Variants in ODAD2 observed in about 807,000 individuals in gnomAD.
ODAD2 encodes outer dynein arm docking complex subunit 2, also known as outer dynein arm-docking complex subunit 2.
In ODAD2, 89 loss-of-function variants were observed where a neutral mutation model predicts 106.8. That is an observed-to-expected ratio of 0.83 (90% CI 0.70 to 0.99). The LOEUF (loss-of-function observed/expected upper bound fraction) is 0.99. ODAD2 is among the 50% of genes least tolerant of loss of function. The pLI is 0.00. For missense variants in ODAD2, 1,168 were observed against 1,238.5 expected, an observed-to-expected ratio of 0.94 and a Z score of 0.85; for synonymous variants, 404 against 436.2, an observed-to-expected ratio of 0.93 and a Z score of 0.92.
intron 8 of ODAD2, among the ~76,000 whole-genome samples, 161 bp from the exon 9 acceptor site, chr10:27,969,179 C>T (rs41283712): frequency 0.061 from 7,350 of 120,316 alleles, 179 homozygotes; most frequent in East Asian, 0.16. Flanking sequence ...GGAGCTGTCT[C>T]TTTCACTCTT....
intron 17 of ODAD2, among the ~76,000 whole-genome samples, chr10:27,871,915 A>G (rs1047998893): frequency 6.6e-6 from 1 of 152,064 alleles, no homozygotes; most frequent in African/African-American, 2.4e-5. Context: ...AGTTTCATGG[A>G]GATGGTATTA....
chr10:27,927,832 GA>G (rs1434712963), intron 16 of ODAD2, among the ~76,000 whole-genome samples: 1 of 151,988 alleles, frequency 6.6e-6, no homozygotes, highest in African/African-American at 2.4e-5. Context: ...TTAAATGATT[GA>G]GTTCAATAAG....
At chr10:27,971,891 C>A (rs1024791045) in intron 7 of ODAD2, among the ~76,000 whole-genome samples, 1 of 152,072 alleles carries the variant, frequency 6.6e-6, no homozygotes, top group Admixed American at 6.6e-5. Flanking sequence ...ACAGAGAATT[C>A]ACTGCCAGAA....
At chr10:27,825,727 G>T (rs879664212) in intron 19 of ODAD2, among the ~76,000 whole-genome samples, 3 of 152,174 alleles carry the variant, frequency 2.0e-5, no homozygotes, top group Non-Finnish European at 2.9e-5. Flanking sequence ...CCTGGATAAG[G>T]TTATCAGAAG....
chr10:27,979,881 T>C (rs772108733), intron 7 of ODAD2, among the ~76,000 whole-genome samples: 3 of 152,078 alleles, frequency 2.0e-5, no homozygotes, highest in Non-Finnish European at 4.4e-5. Context: ...TCATAAACAG[T>C]GTCAAGGAAT....
intron 17 of ODAD2, among the ~76,000 whole-genome samples, chr10:27,888,237 T>C (rs1367893562): frequency 1.3e-5 from 2 of 152,094 alleles, no homozygotes; most frequent in East Asian, 1.9e-4. Flanking sequence ...GAAATCTCCA[T>C]ACAGTTTTCT....
In ODAD2 at chr10:27,862,519, A is replaced by G. The variant is rs1564439642; in HGVS notation, c.2714T>C (p.Ile905Thr). 6.2e-7 allele frequency: 1 copy of G among 1,612,990 alleles called. No homozygotes were observed. Among genetic ancestry groups the G allele is most frequent in the Non-Finnish European group, 8.5e-7 (1 of 1,179,516 alleles). The change falls in exon 18 of 20, where the codon ATT becomes ACT. Residue 905 changes from isoleucine (I) to threonine (T), a missense_variant. Transcript: ENST00000305242. ...TTCTTGATCTTTTGCTATGTTGGTA[A>G]TGGCAGCACATACACTTGCCAGAAC... is the stretch of plus-strand genomic sequence containing the variant. ...KEVLASVCAA[I>T]TNIAKDQENL...
chr10:27,836,305 G>A (rs113243986), intron 19 of ODAD2: 7 of 152,222 alleles, frequency 4.6e-5, no homozygotes, highest in African/African-American at 1.7e-4. Flanking sequence ...GAGACCAGTG[G>A]TGCTGGGTGA....
At chr10:27,948,560 A>G (rs12777329) in intron 10 of ODAD2, among the ~76,000 whole-genome samples, 57,272 of 151,986 alleles carry the variant, frequency 0.38, 12,153 homozygotes, top group Middle Eastern at 0.59. Context: ...GAACATAATT[A>G]TTTACCAATA....
intron 6 of ODAD2, among the ~76,000 whole-genome samples, chr10:27,982,485 A>G (rs920295558): frequency 1.3e-5 from 2 of 152,172 alleles, no homozygotes; most frequent in Non-Finnish European, 2.9e-5. Context: ...TTTATTCCTA[A>G]TTAGAGATTT....
intron 15 of ODAD2, among the ~76,000 whole-genome samples, chr10:27,936,299 T>G (rs759865443): frequency 5.3e-5 from 8 of 152,244 alleles, no homozygotes; most frequent in Non-Finnish European, 1.2e-4. Context: ...ATGACCACTC[T>G]TTAAAGAGTA....
intron 17 of ODAD2, among the ~76,000 whole-genome samples, chr10:27,877,510 G>T (rs1841423096): frequency 6.6e-6 from 1 of 152,160 alleles, no homozygotes. Flanking sequence ...TGTTTTGAAG[G>T]TGAGATTTCT....
intron 2 of ODAD2, among the ~76,000 whole-genome samples, chr10:27,993,636 C>T (rs1245928520): frequency 6.6e-6 from 1 of 151,732 alleles, no homozygotes; most frequent in Admixed American, 6.6e-5. Context: ...GGCAAAAGAG[C>T]GAGACTCTGT....
intron 17 of ODAD2, among the ~76,000 whole-genome samples, chr10:27,887,381 A>C (rs1842294005): frequency 1.3e-5 from 2 of 152,164 alleles, no homozygotes; most frequent in Middle Eastern, 3.4e-3. Flanking sequence ...AGGGAAAAAT[A>C]GGCAACTTCA....
At chr10:27,936,950 C>G (rs1223477505) in intron 14 of ODAD2, 70 bp from the exon 15 acceptor site, 5 of 1,496,142 alleles carry the variant, frequency 3.3e-6, no homozygotes, top group Non-Finnish European at 3.6e-6. Context: ...GCTAAAAAGG[C>G]TGCCATTCTA....
chr10:27,952,074 C>CAAAAAAAA (rs71388944), intron 10 of ODAD2, among the ~76,000 whole-genome samples: 111 of 44,004 alleles, frequency 2.5e-3, no homozygotes, highest in African/African-American at 8.4e-3. Context: ...GATGCCAACT[C>CAAAAAAAA]AAAAAAAAAA....
chr10:27,982,808 C>T (rs1331589927), intron 6 of ODAD2, among the ~76,000 whole-genome samples: 1 of 152,186 alleles, frequency 6.6e-6, no homozygotes, highest in Non-Finnish European at 1.5e-5. Context: ...GAAAGCTAAG[C>T]TCCTTCTAGC....
chr10:27,882,173 A>AAAAGAAAGAAAGAAAGAAAGAAAG lies in ODAD2; in HGVS notation c.2611-19575_2611-19552dup, dbSNP rs377482668. On this transcript the variant is annotated intron_variant, in intron 17 of 19. Transcript: ENST00000305242. Reference sequence around the variant, plus strand: ...ACAGAGTGAGACCTTGTCATAAAAAAAAAGAAAGAAAGAAAGAAAGAAAGA... The same window carrying AAAAGAAAGAAAGAAAGAAAGAAAG: ...ACAGAGTGAGACCTTGTCATAAAAAAAAAGAAAGAAAGAAAGAAAGAAAGAAAGAAAGAAAGAAAGAAAGAAAGA... Among the ~76,000 whole-genome samples the AAAAGAAAGAAAGAAAGAAAGAAAG allele has an allele frequency of 7.4e-4, 81 of 109,742 alleles. 1 individual carries two copies. The highest frequency in any genetic ancestry group is 1.2e-3 in the Admixed American group (11 of 9,488). 72.0% of individuals were successfully genotyped at this position (109,742 alleles called of 152,430 possible).
chr10:27,834,909 A>C (rs535037512), intron 19 of ODAD2, among the ~76,000 whole-genome samples: 7 of 152,324 alleles, frequency 4.6e-5, no homozygotes, highest in African/African-American at 1.7e-4. Flanking sequence ...GTTTTTCTGT[A>C]GTTGTGGATG....
Sources: allele counts gnomAD v4.1 joint callset (sites outside exome capture counted in the v4.1 genomes callset), GRCh38; gene constraint gnomAD v4.1.1; transcripts MANE v1.5; gene names NCBI Gene and HGNC (gene_info 2026-07-23, HGNC 2026-07-21).